The following ANKRD44 variants were observed in gnomAD, a reference collection of about 807,000 sequenced individuals.
ANKRD44 encodes the protein serine/threonine-protein phosphatase 6 regulatory ankyrin repeat subunit B.
ANKRD44 carries 35 observed loss-of-function variants against 116.0 expected under a neutral mutation model. The ratio of observed to expected loss-of-function variants is 0.30; its 90% CI spans 0.23 to 0.40. The LOEUF is 0.40. ANKRD44 is among the 10% of genes least tolerant of loss of function. The pLI, the probability that ANKRD44 is intolerant of heterozygous loss-of-function variation, is 1.00. For missense variants in ANKRD44, 1,014 were observed against 1,242.6 expected (o/e 0.82, Z 2.77); for synonymous variants, 435 against 461.8 (o/e 0.94, Z 0.74).
chr2:197,084,980 T>C (rs573425005), intron 13 of ANKRD44, among the ~76,000 whole-genome samples: 2 of 152,278 alleles, frequency 1.3e-5, no homozygotes, highest in African/African-American at 4.8e-5. Flanking sequence ...ATAGTGTTAG[T>C]ATCAGAAAAC....
chr2:197,022,793 G>T (rs569163726), intron 17 of ANKRD44, among the ~76,000 whole-genome samples: 1 of 152,140 alleles, frequency 6.6e-6, no homozygotes, highest in Non-Finnish European at 1.5e-5. Flanking sequence ...GAGCCCGGGA[G>T]TTTGAGACCA....
chr2:197,039,696 T>C (rs976122059), intron 16 of ANKRD44, among the ~76,000 whole-genome samples: 9 of 146,674 alleles, frequency 6.1e-5, no homozygotes, highest in South Asian at 2.1e-4. Context: ...TGTGTGTGTG[T>C]GTGTGTGTGT....
At chr2:197,305,967 T>TTTTATATA (rs1553555500) in intron 1 of ANKRD44, among the ~76,000 whole-genome samples, 1 of 124,736 alleles carries the variant, frequency 8.0e-6, no homozygotes, top group East Asian at 2.2e-4. Flanking sequence ...GCAGTTCGTT[T>TTTTATATA]TATATATATA....
At chr2:196,983,857 C>G (rs1044489666), downstream of ANKRD44, among the ~76,000 whole-genome samples, 2 of 152,154 alleles carry the variant, frequency 1.3e-5, no homozygotes, top group Non-Finnish European at 1.5e-5. Flanking sequence ...GGAGTTCCCC[C>G]CACTGGGAAA....
chr2:197,153,581 GACAGAAA>G (rs1219567464), intron 2 of ANKRD44, among the ~76,000 whole-genome samples: 2 of 152,104 alleles, frequency 1.3e-5, no homozygotes, highest in Non-Finnish European at 2.9e-5. Context: ...GAAAGAGAAA[GACAGAAA>G]ACAAATGCCA....
chr2:197,046,234 T>C (rs1230928103), intron 16 of ANKRD44, among the ~76,000 whole-genome samples: 2 of 152,216 alleles, frequency 1.3e-5, no homozygotes, highest in Non-Finnish European at 2.9e-5. Context: ...CTGTCAGCTA[T>C]AAACATTTGT....
intron 17 of ANKRD44, among the ~76,000 whole-genome samples, chr2:197,024,641 C>T (rs890590137): frequency 2.0e-5 from 3 of 152,158 alleles, no homozygotes; most frequent in Non-Finnish European, 2.9e-5. Context: ...CTCTTCTTCC[C>T]TCACCTCCCA....
At chr2:197,128,390 C>T (rs1161761028) in intron 4 of ANKRD44, among the ~76,000 whole-genome samples, 1 of 152,178 alleles carries the variant, frequency 6.6e-6, no homozygotes, top group Non-Finnish European at 1.5e-5. Context: ...CTCTACTGAT[C>T]AGTGATATCG....
chr2:197,141,011 G>A (rs1297207971), intron 3 of ANKRD44, among the ~76,000 whole-genome samples: 1 of 152,190 alleles, frequency 6.6e-6, no homozygotes, highest in African/African-American at 2.4e-5. Context: ...GAGGTCAGGA[G>A]TTCGAGGCCA....
intron 1 of ANKRD44, among the ~76,000 whole-genome samples, chr2:197,189,337 G>A (rs999980985): frequency 6.6e-6 from 1 of 152,178 alleles, no homozygotes; most frequent in Non-Finnish European, 1.5e-5. Context: ...TTGACAAGGT[G>A]TATGGATAGT....
At position 197,153,225 on chromosome 2, in the gene ANKRD44, CAA is replaced by C. The variant is rs75600123; in HGVS notation, c.112-6122_112-6121del. On this transcript the variant is annotated intron_variant, in intron 2 of 27. Transcript: ENST00000282272. The stretch of plus-strand genomic sequence containing the variant: ...TCTGGGTGACAGAGCAAGACCCTGC[CAA>C]AAAAAAAAAAAAAAAAAAAAGAAGA... 2.0e-3 allele frequency among the ~76,000 whole-genome samples: 140 copies of C among 69,324 alleles called. 1 individual carries two copies. The highest frequency in any genetic ancestry group is 8.0e-3 in the African/African-American group (134 of 16,800). The allele number at this position is 69,324 out of a possible 152,430, so 45.5% of individuals were successfully genotyped here.
At chr2:197,073,281 G>T (rs2077597755) in intron 16 of ANKRD44, among the ~76,000 whole-genome samples, 1 of 152,080 alleles carries the variant, frequency 6.6e-6, no homozygotes, top group Non-Finnish European at 1.5e-5. Context: ...CCATCACTGG[G>T]GTGTCTCACC....
intron 8 of ANKRD44, among the ~76,000 whole-genome samples, chr2:197,113,891 T>C (rs2078648696): frequency 6.6e-6 from 1 of 152,080 alleles, no homozygotes; most frequent in African/African-American, 2.4e-5. Flanking sequence ...TTTCTTCACA[T>C]AGGGAAACAG....
chr2:197,047,912 G>GAAA (rs879398505), intron 16 of ANKRD44, among the ~76,000 whole-genome samples: 1 of 122,908 alleles, frequency 8.1e-6, no homozygotes, highest in Non-Finnish European at 1.8e-5. Context: ...TCCGCAAAAA[G>GAAA]AAAAAAAAAA....
chr2:197,184,790 A>G (rs574745215), intron 2 of ANKRD44, among the ~76,000 whole-genome samples: 20 of 152,106 alleles, frequency 1.3e-4, no homozygotes, highest in Non-Finnish European at 2.4e-4. Context: ...CCACCCCTCT[A>G]ATATGTTCAT....
intron 10 of ANKRD44, among the ~76,000 whole-genome samples, chr2:197,096,554 C>T (rs978396785): frequency 6.6e-6 from 1 of 152,198 alleles, no homozygotes; most frequent in African/African-American, 2.4e-5. Flanking sequence ...TAACAAAGAA[C>T]ATTCTAATCA....
chr2:197,138,505 T>A (rs907704682), intron 3 of ANKRD44, among the ~76,000 whole-genome samples: 14 of 152,232 alleles, frequency 9.2e-5, no homozygotes, highest in African/African-American at 3.1e-4. Flanking sequence ...TTCAGATTTC[T>A]TCTTCTAAAT....
At chr2:197,076,419 G>A (rs116346236) in intron 16 of ANKRD44, among the ~76,000 whole-genome samples, 217 of 152,168 alleles carry the variant, frequency 1.4e-3, no homozygotes, top group African/African-American at 5.1e-3. Context: ...TTAAGATATT[G>A]GGTTCCTACA....
In ANKRD44 at chr2:197,201,590, T is replaced by C. The variant is rs1266271962; in HGVS notation, c.28-14484A>G. On this transcript the variant is annotated intron_variant, in intron 1 of 27. Coordinates refer to ENST00000282272, the MANE Select transcript of ANKRD44 (RefSeq NM_001195144.2). The surrounding 1 kb of genome is among the most constrained non-coding windows in gnomAD (Gnocchi z 4.0). ...TGATGTGGAGACCCTGTTAGTGTCG[T>C]CGCATGTTAAATCTAGATTTGGGAA... Among the ~76,000 whole-genome samples, 2 of 152,352 alleles carry C rather than the reference T, an allele frequency of 1.3e-5. No individual in the cohort carries two copies. The highest frequency in any genetic ancestry group is 2.4e-5 in the African/African-American group (1 of 41,592).
Sources: gnomAD v4.1 joint callset for allele counts (sites outside exome capture counted in the v4.1 genomes callset) on GRCh38, gnomAD v4.1.1 for gene constraint, Gnocchi (gnomAD v3.1) non-coding constraint, MANE v1.5 for transcripts, NCBI Gene and HGNC (gene_info 2026-07-23, HGNC 2026-07-21) for gene names.